DEPDC1: variants seen among roughly 807,000 people sequenced by gnomAD.
DEPDC1 encodes DEP domain containing 1, also known as DEP domain-containing protein 1A.
In DEPDC1, 66 loss-of-function variants were observed where a neutral mutation model predicts 86.8. That is an observed-to-expected ratio of 0.76 (90% CI 0.62 to 0.93). DEPDC1 has a LOEUF of 0.93. DEPDC1 is among the 40% of genes least tolerant of loss of function. DEPDC1 has a pLI of 0.00. For synonymous variants in DEPDC1, 255 were observed against 314.9 expected, an observed-to-expected ratio of 0.81 and a Z score of 2.02; for missense variants, 792 against 935.7, an observed-to-expected ratio of 0.85 and a Z score of 2.00.
chr1:68,477,114 C>A, intron 11 of DEPDC1, 45 bp from the exon 12 acceptor site: 1 of 1,510,000 alleles, frequency 6.6e-7, no homozygotes, highest in Non-Finnish European at 9.0e-7. Flanking sequence ...ACATTATTTC[C>A]CAAGCTGAAG....
At chr1:68,492,237 T>C (rs557969702) in intron 2 of DEPDC1, among the ~76,000 whole-genome samples, 73 of 152,314 alleles carry the variant, frequency 4.8e-4, no homozygotes, top group African/African-American at 1.7e-3. Context: ...GAATTTCTAT[T>C]TCAATTTGGG....
chr1:68,488,815 C>G, intron 4 of DEPDC1, 101 bp downstream of exon 4: 1 of 843,882 alleles, frequency 1.2e-6, no homozygotes, highest in South Asian at 1.5e-5. Context: ...TCTAAGCTTT[C>G]AGAATTAATC....
At chr1:68,493,086 G>GTGAAGTAAGA (rs1646240201) in intron 2 of DEPDC1, among the ~76,000 whole-genome samples, 2 of 152,176 alleles carry the variant, frequency 1.3e-5, no homozygotes, top group African/African-American at 4.8e-5. Context: ...GTGAAGTAAG[G>GTGAAGTAAGA]ACAAGGGCAG....
intron 2 of DEPDC1, among the ~76,000 whole-genome samples, chr1:68,491,652 C>G (rs1303663333): frequency 1.3e-5 from 2 of 152,128 alleles, no homozygotes; most frequent in Non-Finnish European, 2.9e-5. Flanking sequence ...TATAAACTTA[C>G]AGTTTCATAA....
chr1:68,490,813 A>G (rs1646224639), intron 2 of DEPDC1, among the ~76,000 whole-genome samples: 1 of 152,120 alleles, frequency 6.6e-6, no homozygotes, highest in Admixed American at 6.6e-5. Flanking sequence ...CCAAAACAAA[A>G]TGGTACTGGT....
chr1:68,475,465 TATTTATA>T lies in DEPDC1; in HGVS notation c.*1460_*1466del, dbSNP rs771616902. The T allele has an allele frequency of 3.6e-4, 54 of 151,882 alleles. No homozygotes were observed. Among genetic ancestry groups the T allele is most frequent in the Non-Finnish European group, 7.1e-4 (48 of 67,850 alleles). The allele number at this position is 151,882 out of a possible 1,614,324, so 9.4% of individuals were successfully genotyped here. ...TAATTTTATAGCCAGGATAAAGTCA[TATTTATA>T]ATTTATAATTTTCTGTCCAGGTTTT... On this transcript the variant is annotated 3_prime_UTR_variant, in exon 12 of 12. Transcript: ENST00000456315.
At position 68,476,985 on chromosome 1, in the gene DEPDC1, T is replaced by C. The variant is rs574952697; in HGVS notation, c.2383A>G (p.Ile795Val). ...CTTAAAATCAGCATTGGTTGCTTGA[T>C]TGTAGGTTTGTCACCAAAAAGTGCT... The part of the protein sequence containing the change: ...EAALFGDKPT[I>V]KQPMLILRKP... The change falls in exon 12 of 12, where the codon ATC (isoleucine) becomes GTC (valine). Residue 795 changes from isoleucine to valine, a missense_variant. Coordinates refer to ENST00000456315, the MANE Select transcript of DEPDC1 (RefSeq NM_001114120.3). 5 of 1,607,460 alleles carry C rather than the reference T, an allele frequency of 3.1e-6. No homozygotes were observed. Among genetic ancestry groups the C allele is most frequent in the Middle Eastern group, 2.1e-4 (1 of 4,796 alleles).
chr1:68,492,595 T>C (rs1012390385), intron 2 of DEPDC1, among the ~76,000 whole-genome samples: 3 of 152,046 alleles, frequency 2.0e-5, no homozygotes, highest in Non-Finnish European at 2.9e-5. Context: ...TAGTCCCCAC[T>C]ACTTTGGAGG....
At chr1:68,481,109 C>G (rs1646152280) in intron 9 of DEPDC1, among the ~76,000 whole-genome samples, 1 of 151,958 alleles carries the variant, frequency 6.6e-6, no homozygotes, top group East Asian at 1.9e-4. Flanking sequence ...TTCAACAGTA[C>G]CTACATTTCT....
At position 68,475,493 on chromosome 1, in the gene DEPDC1, G is replaced by A. The variant is rs1339049001; in HGVS notation, c.*1439C>T. 1.3e-5 allele frequency: 2 copies of A among 151,380 alleles called. No homozygotes were observed. The highest frequency in any genetic ancestry group is 6.6e-5 in the Admixed American group (1 of 15,150). 9.4% of individuals were successfully genotyped at this position (151,380 alleles called of 1,614,324 possible). A position where few individuals can be genotyped will look rare whatever the true frequency, so the allele number is the denominator to read the frequency against. On this transcript the variant is annotated 3_prime_UTR_variant, in exon 12 of 12. Transcript: ENST00000456315. ...TTATAATTTATAATTTTCTGTCCAG[G>A]TTTTTAATAAAAATCAGTAATGTTA... is the stretch of plus-strand genomic sequence containing the variant.
intron 6 of DEPDC1, 69 bp downstream of exon 6, chr1:68,486,868 A>T (rs1646195598): frequency 7.6e-7 from 1 of 1,319,816 alleles, no homozygotes; most frequent in Non-Finnish European, 9.8e-7. Context: ...TTCTTGTTAA[A>T]TACTATCAAT....
Position 68,481,599 on chromosome 1 carries a change from A to C in DEPDC1, c.1776T>G (p.Pro592=), listed in dbSNP as rs1292358091. ...MLTGTQSLLQ[P]HLERVAIDAL... Reference sequence around the variant, plus strand: ...CATCGATGGCAACCCTCTCTAAATGAGGTTGCAGCAAGCCTAGAATACAAA... The same window carrying C: ...CATCGATGGCAACCCTCTCTAAATGCGGTTGCAGCAAGCCTAGAATACAAA... The change falls in exon 9 of 12, where the codon CCT becomes CCG. Residue 592 remains proline (P), a synonymous_variant. Coordinates refer to ENST00000456315, the MANE Select transcript of DEPDC1 (RefSeq NM_001114120.3). 4 of 1,592,316 alleles carry C rather than the reference A, an allele frequency of 2.5e-6. No homozygotes were observed. In the African/African-American group the frequency reaches 5.6e-5, roughly 22 times the overall value.
rs1008285072 is a variant in DEPDC1 at position 68,496,067 on chromosome 1, C to T, written c.48+885G>A. Among the ~76,000 whole-genome samples the T allele has an allele frequency of 6.6e-6, 1 of 152,122 alleles. No individual in the cohort carries two copies. Among genetic ancestry groups the T allele is most frequent in the African/African-American group, 2.4e-5 (1 of 41,426 alleles). ...CAGGAAGATCTGAATTCTAGCTCTG[C>T]CACTTGCTGTTGATGTGACTCTAGA... On this transcript the variant is annotated intron_variant, in intron 1 of 11. Transcript: ENST00000456315. The surrounding 1 kb of genome is among the most constrained non-coding windows in gnomAD (Gnocchi z 4.0).
chr1:68,489,778 TTTTTTCTTTAGTATA>T (rs1275949370), intron 2 of DEPDC1, among the ~76,000 whole-genome samples, 170 bp from the exon 3 acceptor site: 20 of 152,028 alleles, frequency 1.3e-4, no homozygotes, highest in African/African-American at 4.3e-4. Flanking sequence ...AATAGGTTCC[TTTTTTCTTTAGTATA>T]TTGTGTATAT....
At position 68,482,148 on chromosome 1, in the gene DEPDC1, C is replaced by T. The variant is rs560168786; in HGVS notation, c.1660G>A (p.Gly554Arg). Reference sequence around the variant, plus strand: ...TTATTGATTGTGGCACTAGACTCTCCGAGTTCACTTTCCATAGCTGTTTGC... The same window carrying T: ...TTATTGATTGTGGCACTAGACTCTCTGAGTTCACTTTCCATAGCTGTTTGC... ...SVQTAMESELGESSATINKRL... is the reference protein window; with the variant it reads ...SVQTAMESELRESSATINKRL... The change falls in exon 8 of 12, where the codon GGA becomes AGA. Residue 554 changes from glycine (G) to arginine (R), a missense_variant. By Grantham distance (125) the Gly-to-Arg change is moderately radical (BLOSUM62 -2). Transcript: ENST00000456315. The T allele has an allele frequency of 2.1e-5, 34 of 1,612,862 alleles. No individual in the cohort carries two copies. The highest frequency in any genetic ancestry group is 4.5e-5 in the East Asian group (2 of 44,836).
Position 68,494,693 on chromosome 1 carries a change from C to G in DEPDC1, c.51G>C (p.Trp17Cys). The change falls in exon 2 of 12, where the codon TGG (tryptophan) becomes TGC (cysteine). Residue 17 changes from tryptophan (W) to cysteine (C), a missense_variant and splice_region_variant. Transcript: ENST00000456315. ...PPGPYRATKL[W>C]NEVTTSFRAG... ...CTCGAAAAGATGTGGTAACTTCATT[C>G]CACTGTAAAAAGAAGGAAAATATTT... The G allele has an allele frequency of 6.2e-7, 1 of 1,605,744 alleles. No individual in the cohort carries two copies. Among genetic ancestry groups the G allele is most frequent in the Non-Finnish European group, 8.5e-7 (1 of 1,176,070 alleles).
At chr1:68,489,748 C>T (rs900111115) in intron 2 of DEPDC1, 140 bp from the exon 3 acceptor site, 1 of 566,914 alleles carries the variant, frequency 1.8e-6, no homozygotes, top group Non-Finnish European at 2.9e-6. Context: ...AATAAATTTT[C>T]CCATTAAACC....
At chr1:68,487,062 G>T in intron 5 of DEPDC1, 78 bp from the exon 6 acceptor site, 1 of 1,316,222 alleles carries the variant, frequency 7.6e-7, no homozygotes. Flanking sequence ...ACACTTACGT[G>T]CAATTATATA....
Position 68,482,396 on chromosome 1 carries a change from G to A in DEPDC1, c.1412C>T (p.Ser471Leu). The A allele has an allele frequency of 1.9e-6, 3 of 1,612,692 alleles. No homozygotes were observed. In the South Asian group the frequency reaches 3.3e-5, roughly 18 times the overall value. The change falls in exon 8 of 12, where the codon TCA (serine) becomes TTA (leucine). Residue 471 changes from serine to leucine, a missense_variant. Ser to Leu is a moderately radical substitution (Grantham distance 145). Transcript: ENST00000456315. ...GAATGGCTTTTGAATATTTTCCTCTGAATGAAGATTCAACAGGAATTCCTG... is the reference window on the plus strand; with the variant it reads ...GAATGGCTTTTGAATATTTTCCTCTAAATGAAGATTCAACAGGAATTCCTG... ...PKQEFLLNLH[S>L]EENIQKPFSA...
Sources: gnomAD v4.1 joint callset for allele counts (sites outside exome capture counted in the v4.1 genomes callset) on GRCh38, gnomAD v4.1.1 for gene constraint, Gnocchi (gnomAD v3.1) non-coding constraint, MANE v1.5 for transcripts, NCBI Gene and HGNC (gene_info 2026-07-23, HGNC 2026-07-21) for gene names.